DPP6: variants seen among roughly 807,000 people sequenced by gnomAD.
DPP6 encodes A-type potassium channel modulatory protein DPP6.
Under a neutral mutation model 122.6 loss-of-function variants are expected in DPP6, and 69 were observed. That is an observed-to-expected ratio of 0.56 (90% CI 0.46 to 0.69). The LOEUF (loss-of-function observed/expected upper bound fraction) is 0.69. Ranked by LOEUF, DPP6 falls within the 30% of genes least tolerant of loss-of-function variation. The pLI is 0.00. For missense variants in DPP6, 928 were observed against 1,116.9 expected, an observed-to-expected ratio of 0.83 and a Z score of 2.41; for synonymous variants, 418 against 433.1, an observed-to-expected ratio of 0.97 and a Z score of 0.43.
In DPP6 at chr7:154,880,882, T is replaced by C. The variant is rs777398054; in HGVS notation, c.2079-6T>C. The C allele has an allele frequency of 1.2e-5, 19 of 1,613,856 alleles. No homozygotes were observed. Among genetic ancestry groups the C allele is most frequent in the Non-Finnish European group, 1.6e-5 (19 of 1,179,906 alleles). ...TGAACCCTCTTTCCCCTCCTCGACC[T>C]CACAGGACGATGCTGAAGGAGCAGT... On this transcript the variant is annotated splice_polypyrimidine_tract_variant and splice_region_variant and intron_variant, in intron 20 of 25. Transcript: ENST00000377770.
intron 8 of DPP6, among the ~76,000 whole-genome samples, chr7:154,759,858 C>T (rs907606159): frequency 1.3e-5 from 2 of 152,204 alleles, no homozygotes; most frequent in African/African-American, 4.8e-5. Flanking sequence ...CTATTCCCAG[C>T]TGGGCGTGGT....
chr7:153,944,157 C>A lies in DPP6; in HGVS notation c.51+56423C>A, dbSNP rs1464846179. 3.3e-5 allele frequency among the ~76,000 whole-genome samples: 5 copies of A among 152,198 alleles called. No individual in the cohort carries two copies. In the East Asian group the frequency reaches 9.6e-4, roughly 29 times the overall value. On this transcript the variant is annotated intron_variant, in intron 1 of 25. Transcript: ENST00000404039. ...CCCTGGAGCACGAGCCTCGTTAGCACGCTCCTTCCAGCACAGCCGGGGCTC... is the reference window on the plus strand; with the variant it reads ...CCCTGGAGCACGAGCCTCGTTAGCAAGCTCCTTCCAGCACAGCCGGGGCTC...
At chr7:154,276,200 G>T (rs541025535) in intron 1 of DPP6, among the ~76,000 whole-genome samples, 1 of 152,304 alleles carries the variant, frequency 6.6e-6, no homozygotes, top group South Asian at 2.1e-4. Flanking sequence ...AAAACCCCAT[G>T]CGTAGTTAAT....
chr7:153,935,472 G>A (rs1223177216), intron 1 of DPP6, among the ~76,000 whole-genome samples: 1 of 152,196 alleles, frequency 6.6e-6, no homozygotes, highest in Admixed American at 6.5e-5. Context: ...GCCGCACAGA[G>A]TGGAACCTGC....
At position 154,176,448 on chromosome 7, in the gene DPP6, A is replaced by C. The variant is rs556395333; in HGVS notation, c.243+123385A>C. 2.0e-5 allele frequency among the ~76,000 whole-genome samples: 3 copies of C among 152,362 alleles called. No individual in the cohort carries two copies. The South Asian group carries it at 6.2e-4, about 32-fold the overall frequency. ...GTGTAGCCAGACCATCGTTTAAAAAAATTAGAAGTGCATAGGAAAGAAAAG... is the reference window on the plus strand; with the variant it reads ...GTGTAGCCAGACCATCGTTTAAAAACATTAGAAGTGCATAGGAAAGAAAAG... On this transcript the variant is annotated intron_variant, in intron 1 of 25. Transcript: ENST00000377770.
chr7:154,887,158 A>G (rs1018623286), intron 22 of DPP6, among the ~76,000 whole-genome samples: 1 of 152,018 alleles, frequency 6.6e-6, no homozygotes, highest in Non-Finnish European at 1.5e-5. Context: ...CCTCAGGCTT[A>G]CCCTGCAGGC....
chr7:154,876,359 C>T (rs1804855797), intron 20 of DPP6: 9 of 567,988 alleles, frequency 1.6e-5, no homozygotes, highest in Admixed American at 4.4e-5. Flanking sequence ...TAGAAATTGC[C>T]GGTTGGGTTG....
intron 8 of DPP6, among the ~76,000 whole-genome samples, chr7:154,742,385 C>T (rs189492466): frequency 3.9e-5 from 6 of 152,358 alleles, no homozygotes; most frequent in Non-Finnish European, 7.3e-5. Flanking sequence ...ATCTTTCACA[C>T]ATTTAGACAC....
chr7:153,847,528 A>G, the DPP6 span, among the ~76,000 whole-genome samples: 1 of 152,126 alleles, frequency 6.6e-6, no homozygotes, highest in Non-Finnish European at 1.5e-5. Flanking sequence ...GGATTTTGTT[A>G]TCTTTTGCAG....
At chr7:154,134,487 G>A (rs1465353335) in intron 1 of DPP6, among the ~76,000 whole-genome samples, 1 of 152,112 alleles carries the variant, frequency 6.6e-6, no homozygotes, top group Non-Finnish European at 1.5e-5. Flanking sequence ...TTCCTGTAGG[G>A]TCTTCCACAT....
chr7:154,728,468 G>A (rs1463305485), intron 8 of DPP6, among the ~76,000 whole-genome samples: 1 of 152,198 alleles, frequency 6.6e-6, no homozygotes, highest in African/African-American at 2.4e-5. Flanking sequence ...AGAGGGGGAA[G>A]CTCTCTTCTT....
At chr7:154,025,301 GA>G (rs1375775311) in intron 1 of DPP6, among the ~76,000 whole-genome samples, 1 of 134,968 alleles carries the variant, frequency 7.4e-6, no homozygotes, top group South Asian at 2.7e-4. Flanking sequence ...GGAAAGAGGA[GA>G]AGGGAGATGA....
chr7:153,861,135 GTTAA>G, the DPP6 span, among the ~76,000 whole-genome samples: 1 of 151,964 alleles, frequency 6.6e-6, no homozygotes, highest in African/African-American at 2.4e-5. Flanking sequence ...AAACTTTTGG[GTTAA>G]TTAATTTTGC....
At chr7:154,123,028 C>T (rs1244816983) in intron 1 of DPP6, among the ~76,000 whole-genome samples, 8 of 151,906 alleles carry the variant, frequency 5.3e-5, no homozygotes, top group Admixed American at 1.3e-4. Context: ...TTTTTCTGTC[C>T]GAAAAATCAG....
intron 7 of DPP6, among the ~76,000 whole-genome samples, chr7:154,718,284 G>C (rs1175865085): frequency 1.4e-5 from 2 of 143,690 alleles, no homozygotes; most frequent in Non-Finnish European, 3.1e-5. Flanking sequence ...TTTTGTGTTT[G>C]TGCCTGTGCC....
At chr7:153,787,976 C>T in the DPP6 span, among the ~76,000 whole-genome samples, 2 of 151,342 alleles carry the variant, frequency 1.3e-5, no homozygotes, top group Non-Finnish European at 1.5e-5. Flanking sequence ...ATTAATGGTT[C>T]GGGACTGGTC....
At chr7:154,118,667 A>ATAAAC (rs200227393) in intron 1 of DPP6, among the ~76,000 whole-genome samples, 1 of 58,472 alleles carries the variant, frequency 1.7e-5, no homozygotes, top group Non-Finnish European at 4.6e-5. Context: ...CACTGCTCAT[A>ATAAAC]CAAACCAAAC....
At chr7:154,191,656 C>A (rs1798623294) in intron 1 of DPP6, among the ~76,000 whole-genome samples, 1 of 152,148 alleles carries the variant, frequency 6.6e-6, no homozygotes, top group African/African-American at 2.4e-5. Context: ...TCAATAAATA[C>A]CTACATTAGC....
At chr7:154,327,419 A>T (rs1808540262) in intron 1 of DPP6, among the ~76,000 whole-genome samples, 1 of 152,142 alleles carries the variant, frequency 6.6e-6, no homozygotes, top group African/African-American at 2.4e-5. Context: ...ATATATATTG[A>T]TGAAGAATTA....
Sources: allele counts gnomAD v4.1 joint callset (sites outside exome capture counted in the v4.1 genomes callset), GRCh38; gene constraint gnomAD v4.1.1; transcripts MANE v1.5; gene names NCBI Gene and HGNC (gene_info 2026-07-23, HGNC 2026-07-21).